The following CLSTN2 variants were observed in gnomAD, a reference collection of about 807,000 sequenced individuals.
The protein encoded by CLSTN2 is calsyntenin 2.
In CLSTN2, 48 loss-of-function variants were observed where a neutral mutation model predicts 101.2. That is an observed-to-expected ratio of 0.47 (90% confidence interval 0.38 to 0.60). The LOEUF (loss-of-function observed/expected upper bound fraction) is 0.60. Among genes scored for constraint, CLSTN2 ranks in the 20% least tolerant of loss-of-function variants. The pLI is 0.00. For missense variants in CLSTN2, 1,160 were observed against 1,238.2 expected (o/e 0.94, Z 0.95); for synonymous variants, 481 against 463.6 (o/e 1.04, Z -0.48).
At chr3:140,402,300 G>C (rs1459079117) in intron 2 of CLSTN2, among the ~76,000 whole-genome samples, 1 of 152,180 alleles carries the variant, frequency 6.6e-6, no homozygotes, top group African/African-American at 2.4e-5. Flanking sequence ...AGATGGTGTG[G>C]TGGGATAGAA....
chr3:139,944,417 C>T (rs2107807770), intron 1 of CLSTN2, among the ~76,000 whole-genome samples: 1 of 152,336 alleles, frequency 6.6e-6, no homozygotes, highest in Non-Finnish European at 1.5e-5. Flanking sequence ...GTGAAGCTCT[C>T]CAGTATTTCT....
Position 140,200,095 on chromosome 3 carries a change from G to A in CLSTN2, c.232+24022G>A, listed in dbSNP as rs567812617. Among the ~76,000 whole-genome samples the A allele has an allele frequency of 7.9e-5, 12 of 152,202 alleles. No individual in the cohort carries two copies. The East Asian group carries it at 1.7e-3, about 22-fold the overall frequency. On this transcript the variant is annotated intron_variant, in intron 2 of 16. Coordinates refer to ENST00000458420, the MANE Select transcript of CLSTN2 (RefSeq NM_022131.3). ...TCAGATTTAAGAGTCTGTATTCTAC[G>A]TCTCCCCTTATATTTCTTTCCCTGG... is the stretch of plus-strand genomic sequence containing the variant.
At chr3:140,411,870 G>A (rs762702414) in intron 4 of CLSTN2, among the ~76,000 whole-genome samples, 4 of 152,202 alleles carry the variant, frequency 2.6e-5, no homozygotes, top group Admixed American at 6.5e-5. Context: ...GTTTTAGTAC[G>A]TACAGATTCT....
intron 8 of CLSTN2, among the ~76,000 whole-genome samples, chr3:140,511,304 T>C (rs1934808480): frequency 6.6e-6 from 1 of 152,206 alleles, no homozygotes; most frequent in Non-Finnish European, 1.5e-5. Context: ...GTCTTTGCTA[T>C]TGTGAATAGT....
At position 140,459,873 on chromosome 3, in the gene CLSTN2, G is replaced by A. The variant is rs563018315; in HGVS notation, c.1222+104G>A. On this transcript the variant is annotated intron_variant, in intron 7 of 16. Coordinates refer to ENST00000458420, the MANE Select transcript of CLSTN2 (RefSeq NM_022131.3). ...CAGCCAAGGAGGATGTGGAAGAAAA[G>A]CAGGAGCCTGAGAGGAACCCTGCCA... is the stretch of plus-strand genomic sequence containing the variant. The A allele has an allele frequency of 1.9e-5, 25 of 1,347,392 alleles. No individual in the cohort carries two copies. In the East Asian group the frequency reaches 2.3e-4, roughly 13 times the overall value. The allele number at this position is 1,347,392 out of a possible 1,614,324, so 83.5% of individuals were successfully genotyped here. A position where few individuals can be genotyped will look rare whatever the true frequency, so the allele number is the denominator to read the frequency against.
At chr3:140,160,333 G>A (rs2010025701) in intron 1 of CLSTN2, among the ~76,000 whole-genome samples, 1 of 152,004 alleles carries the variant, frequency 6.6e-6, no homozygotes, top group African/African-American at 2.4e-5. Flanking sequence ...GGTGAGCCCT[G>A]CACAATTAAT....
intron 2 of CLSTN2, among the ~76,000 whole-genome samples, chr3:140,390,105 C>T (rs1348177750): frequency 6.8e-6 from 1 of 147,390 alleles, no homozygotes; most frequent in African/African-American, 2.5e-5. Context: ...AAAAAAAATA[C>T]ATAACATATT....
chr3:140,366,448 C>A (rs1200491781), intron 2 of CLSTN2, among the ~76,000 whole-genome samples: 1 of 152,214 alleles, frequency 6.6e-6, no homozygotes, highest in Non-Finnish European at 1.5e-5. Flanking sequence ...AAAAATATGT[C>A]AGTCTAAACC....
chr3:140,300,417 C>T (rs1231474959), intron 2 of CLSTN2, among the ~76,000 whole-genome samples: 5 of 152,238 alleles, frequency 3.3e-5, no homozygotes, highest in African/African-American at 1.2e-4. Flanking sequence ...TTTTTGGGTG[C>T]CAAGCCCTTT....
chr3:140,492,076 T>G (rs529799292), intron 8 of CLSTN2, among the ~76,000 whole-genome samples: 1 of 152,176 alleles, frequency 6.6e-6, no homozygotes, highest in East Asian at 1.9e-4. Context: ...GTGCTCAACT[T>G]CATTATATGT....
At chr3:140,565,102 G>T (rs533941366) in intron 16 of CLSTN2, among the ~76,000 whole-genome samples, 1 of 152,212 alleles carries the variant, frequency 6.6e-6, no homozygotes, top group Admixed American at 6.5e-5. Flanking sequence ...TGAGCCTTGA[G>T]TGTAGAAAAC....
intron 1 of CLSTN2, among the ~76,000 whole-genome samples, chr3:140,007,412 A>G (rs1444327128): frequency 6.6e-6 from 1 of 152,098 alleles, no homozygotes; most frequent in Non-Finnish European, 1.5e-5. Context: ...TGCCAATGGG[A>G]GCTGCTGGCC....
intron 4 of CLSTN2, among the ~76,000 whole-genome samples, chr3:140,417,254 A>C (rs1359020524): frequency 1.3e-5 from 2 of 152,218 alleles, no homozygotes; most frequent in Non-Finnish European, 2.9e-5. Flanking sequence ...ACTACTGAAC[A>C]ACAATCCATC....
chr3:140,294,205 A>T (rs2086981856), intron 2 of CLSTN2, among the ~76,000 whole-genome samples: 1 of 152,228 alleles, frequency 6.6e-6, no homozygotes, highest in South Asian at 2.1e-4. Context: ...TGCGAGCCTC[A>T]GCTTGTCAAG....
intron 1 of CLSTN2, among the ~76,000 whole-genome samples, chr3:140,037,016 T>G (rs756358904): frequency 6.6e-6 from 1 of 152,212 alleles, no homozygotes; most frequent in African/African-American, 2.4e-5. Context: ...TGGAGTATAA[T>G]TTATAATTTT....
chr3:140,022,082 G>A (rs1337558216), intron 1 of CLSTN2, among the ~76,000 whole-genome samples: 3 of 152,200 alleles, frequency 2.0e-5, no homozygotes, highest in Non-Finnish European at 4.4e-5. Flanking sequence ...CTCCAGTGTG[G>A]AGGACTCACT....
Position 140,280,739 on chromosome 3 carries a change from C to T in CLSTN2, c.232+104666C>T, listed in dbSNP as rs562355084. On this transcript the variant is annotated intron_variant, in intron 2 of 16. Coordinates refer to ENST00000458420, the MANE Select transcript of CLSTN2 (RefSeq NM_022131.3). ...ACTTCACTTGCAATTATGCACCAGC[C>T]AAGTGGTAGACGCACAGGTGTAGGT... Among the ~76,000 whole-genome samples, 4 of 152,238 alleles carry T rather than the reference C, an allele frequency of 2.6e-5. No homozygotes were observed. In the South Asian group the frequency reaches 8.3e-4, roughly 32 times the overall value.
chr3:140,170,274 C>T (rs1007660478), intron 1 of CLSTN2, among the ~76,000 whole-genome samples: 20 of 152,256 alleles, frequency 1.3e-4, no homozygotes, highest in Admixed American at 8.5e-4. Context: ...ATGATATCTT[C>T]GTAGTCGAAT....
At chr3:140,164,398 A>G (rs2010099709) in intron 1 of CLSTN2, among the ~76,000 whole-genome samples, 1 of 152,138 alleles carries the variant, frequency 6.6e-6, no homozygotes, top group Admixed American at 6.6e-5. Flanking sequence ...CTTTGCTGGC[A>G]ACCTATAAAG....
Sources: allele counts gnomAD v4.1 joint callset (sites outside exome capture counted in the v4.1 genomes callset), GRCh38; gene constraint gnomAD v4.1.1; transcripts MANE v1.5; gene names NCBI Gene and HGNC (gene_info 2026-07-23, HGNC 2026-07-21).